Variants in NRG3 observed in about 807,000 individuals in gnomAD.
NRG3 encodes pro-neuregulin-3, membrane-bound isoform.
NRG3 carries 31 observed loss-of-function variants against 66.9 expected under a neutral mutation model. That is an observed-to-expected ratio of 0.46 (90% CI 0.35 to 0.63). The LOEUF (loss-of-function observed/expected upper bound fraction) is 0.63. Ranked by LOEUF, NRG3 falls within the 20% of genes least tolerant of loss-of-function variation. The pLI is 0.00. For synonymous variants in NRG3, 393 were observed against 359.4 expected, an observed-to-expected ratio of 1.09 and a Z score of -1.06; for missense variants, 910 against 878.9, an observed-to-expected ratio of 1.04 and a Z score of -0.45.
chr10:81,930,843 C>T (rs1031736429), intron 1 of NRG3, among the ~76,000 whole-genome samples: 1 of 152,170 alleles, frequency 6.6e-6, no homozygotes, highest in African/African-American at 2.4e-5. Context: ...GAGACTTTAG[C>T]ATGGTAATGA....
chr10:82,189,028 A>G (rs1173532792), intron 1 of NRG3, among the ~76,000 whole-genome samples: 1 of 152,232 alleles, frequency 6.6e-6, no homozygotes, highest in African/African-American at 2.4e-5. Flanking sequence ...AAGCCATGAA[A>G]TAATTAAGTA....
intron 1 of NRG3, among the ~76,000 whole-genome samples, chr10:82,248,576 T>C (rs1415737321): frequency 6.6e-6 from 1 of 152,164 alleles, no homozygotes; most frequent in East Asian, 1.9e-4. Flanking sequence ...AATAATAGTA[T>C]CTATTTTTTG....
At chr10:82,445,875 A>C (rs1263976628) in intron 2 of NRG3, among the ~76,000 whole-genome samples, 5 of 152,218 alleles carry the variant, frequency 3.3e-5, no homozygotes, top group Non-Finnish European at 5.9e-5. Flanking sequence ...GTGCAGAACC[A>C]GTTTATTCTT....
chr10:82,500,358 A>G (rs1352898419), intron 2 of NRG3, among the ~76,000 whole-genome samples: 3 of 152,198 alleles, frequency 2.0e-5, no homozygotes, highest in African/African-American at 7.2e-5. Context: ...CCTCTGAGCT[A>G]CTTTGTTCCT....
chr10:82,364,566 C>T (rs549573520), intron 2 of NRG3, among the ~76,000 whole-genome samples: 13 of 152,102 alleles, frequency 8.5e-5, no homozygotes, highest in African/African-American at 3.1e-4. Flanking sequence ...AAGAGGTAGC[C>T]ACTGTAATTG....
At chr10:82,285,555 G>A (rs1373605457) in intron 1 of NRG3, among the ~76,000 whole-genome samples, 1 of 152,182 alleles carries the variant, frequency 6.6e-6, no homozygotes, top group African/African-American at 2.4e-5. Context: ...CGAGATGGAA[G>A]GGATAGGTAT....
At chr10:82,674,900 A>G (rs369867261) in intron 2 of NRG3, among the ~76,000 whole-genome samples, 1 of 151,964 alleles carries the variant, frequency 6.6e-6, no homozygotes. Context: ...GGGAATTATT[A>G]TCTCCTCAAA....
intron 2 of NRG3, among the ~76,000 whole-genome samples, chr10:82,734,081 C>T (rs554368278): frequency 1.3e-5 from 2 of 152,314 alleles, no homozygotes; most frequent in Admixed American, 6.5e-5. Flanking sequence ...TCTGCTTTAC[C>T]ACACCAGGCA....
intron 1 of NRG3, among the ~76,000 whole-genome samples, chr10:82,205,146 G>C (rs1214091681): frequency 6.6e-6 from 1 of 152,180 alleles, no homozygotes; most frequent in African/African-American, 2.4e-5. Flanking sequence ...GATGGCACTT[G>C]AATGTTATAC....
intron 2 of NRG3, among the ~76,000 whole-genome samples, chr10:82,531,794 T>C (rs755364595): frequency 5.9e-5 from 9 of 151,810 alleles, no homozygotes; most frequent in Non-Finnish European, 1.0e-4. Flanking sequence ...TTCTTTTCTT[T>C]AAATTTTTAT....
chr10:81,980,387 A>G (rs1186099647), intron 1 of NRG3, among the ~76,000 whole-genome samples: 7 of 152,218 alleles, frequency 4.6e-5, no homozygotes, highest in Non-Finnish European at 1.0e-4. Context: ...TTCATCACAC[A>G]TGGCTTTTGG....
intron 3 of NRG3, among the ~76,000 whole-genome samples, chr10:82,837,921 C>T (rs1300108997): frequency 6.6e-6 from 1 of 152,064 alleles, no homozygotes; most frequent in Admixed American, 6.6e-5. Flanking sequence ...AACAGTAGTA[C>T]CTGCATGTAC....
intron 2 of NRG3, among the ~76,000 whole-genome samples, chr10:82,647,610 C>A (rs961205135): frequency 6.6e-6 from 1 of 151,704 alleles, no homozygotes; most frequent in Non-Finnish European, 1.5e-5. Flanking sequence ...AACTAGTTTA[C>A]AGTCCCACCA....
At chr10:81,909,664 A>C (rs1446528193) in intron 1 of NRG3, among the ~76,000 whole-genome samples, 1 of 152,186 alleles carries the variant, frequency 6.6e-6, no homozygotes, top group African/African-American at 2.4e-5. Flanking sequence ...GCTCTTTGAG[A>C]AGTAAGGGGA....
intron 4 of NRG3, among the ~76,000 whole-genome samples, chr10:82,910,426 C>T (rs938241258): frequency 1.3e-5 from 2 of 152,202 alleles, no homozygotes; most frequent in African/African-American, 2.4e-5. Flanking sequence ...GCAGCAGGCA[C>T]GCTTAAGTGT....
At chr10:82,970,333 A>T (rs1263673513) in intron 6 of NRG3, among the ~76,000 whole-genome samples, 1 of 152,054 alleles carries the variant, frequency 6.6e-6, no homozygotes, top group Admixed American at 6.6e-5. Flanking sequence ...GAGTCTTGTT[A>T]TGTTGCCCAG....
At chr10:82,820,558 G>C (rs2061907262) in intron 3 of NRG3, among the ~76,000 whole-genome samples, 1 of 152,152 alleles carries the variant, frequency 6.6e-6, no homozygotes, top group Non-Finnish European at 1.5e-5. Flanking sequence ...TAGATAAGCA[G>C]ATAAATGCAG....
intron 2 of NRG3, among the ~76,000 whole-genome samples, chr10:82,560,326 T>G (rs540220165): frequency 2.4e-4 from 36 of 151,674 alleles, no homozygotes; most frequent in South Asian, 6.2e-4. Context: ...GAATAAGATA[T>G]GTCATTACTT....
intron 2 of NRG3, among the ~76,000 whole-genome samples, chr10:82,437,175 T>A (rs2090184529): frequency 6.6e-6 from 1 of 152,146 alleles, no homozygotes; most frequent in African/African-American, 2.4e-5. Flanking sequence ...GGTACTCCAA[T>A]CAATCATAGG....
Sources: gnomAD v4.1 joint callset for allele counts (sites outside exome capture counted in the v4.1 genomes callset) on GRCh38, gnomAD v4.1.1 for gene constraint, MANE v1.5 for transcripts, NCBI Gene and HGNC (gene_info 2026-07-23, HGNC 2026-07-21) for gene names.